The following CYP39A1 variants were observed in gnomAD, a reference collection of about 807,000 sequenced individuals.
CYP39A1 encodes cytochrome P450 family 39 subfamily A member 1, also known as 24-hydroxycholesterol 7-alpha-hydroxylase.
Under a neutral mutation model 58.1 loss-of-function variants are expected in CYP39A1, and 49 were observed. That is an observed-to-expected ratio of 0.84 (90% CI 0.67 to 1.07). CYP39A1 has a LOEUF of 1.07. Among genes scored for constraint, CYP39A1 ranks in the 50% least tolerant of loss-of-function variants. The probability of loss-of-function intolerance (pLI) is 0.00; values close to 1 mark genes in which losing one functional copy is unlikely to be tolerated. For synonymous variants in CYP39A1, 209 were observed against 187.6 expected, an observed-to-expected ratio of 1.11 and a Z score of -0.93; for missense variants, 531 against 539.4, an observed-to-expected ratio of 0.98 and a Z score of 0.16.
chr6:46,591,050 G>A (rs2150516420), intron 8 of CYP39A1, among the ~76,000 whole-genome samples: 1 of 152,110 alleles, frequency 6.6e-6, no homozygotes, highest in South Asian at 2.1e-4. Context: ...ATATTTTAAG[G>A]CTATAAATGC....
chr6:46,614,995 T>A (rs1395655125), intron 7 of CYP39A1, among the ~76,000 whole-genome samples: 1 of 152,098 alleles, frequency 6.6e-6, no homozygotes, highest in African/African-American at 2.4e-5. Flanking sequence ...TTTTTTAGTC[T>A]CCATTTCTTT....
chr6:46,644,511 A>C (rs2150603537), intron 1 of CYP39A1, among the ~76,000 whole-genome samples: 1 of 152,286 alleles, frequency 6.6e-6, no homozygotes, highest in Non-Finnish European at 1.5e-5. Flanking sequence ...ACACAGCAAG[A>C]CTGTCTCTAA....
chr6:46,635,754 G>T (rs1057470036), intron 5 of CYP39A1, among the ~76,000 whole-genome samples: 2 of 152,000 alleles, frequency 1.3e-5, no homozygotes, highest in African/African-American at 4.8e-5. Context: ...GTAGAGACCA[G>T]GTCTTGCTAT....
At chr6:46,614,918 GA>G (rs1452380041) in intron 7 of CYP39A1, among the ~76,000 whole-genome samples, 2 of 152,236 alleles carry the variant, frequency 1.3e-5, no homozygotes, top group Non-Finnish European at 2.9e-5. Flanking sequence ...ACTGGCATAG[GA>G]TACTGAATGA....
At chr6:46,642,087 GA>G in intron 2 of CYP39A1, 75 bp downstream of exon 2, 1 of 1,424,610 alleles carries the variant, frequency 7.0e-7, no homozygotes, top group Admixed American at 1.7e-5. Flanking sequence ...GAGGAATGAG[GA>G]TGTAATTTTT....
At chr6:46,624,135 T>C (rs1443438211) in intron 7 of CYP39A1, among the ~76,000 whole-genome samples, 2 of 152,222 alleles carry the variant, frequency 1.3e-5, no homozygotes, top group Non-Finnish European at 2.9e-5. Flanking sequence ...ACTTCTGTTG[T>C]GGCCTTTGGG....
chr6:46,636,400 C>A lies in CYP39A1; in HGVS notation c.721G>T (p.Asp241Tyr). ...TAAGAAATACTTACCATGGAATTATCTTTTGCAGATTTACATGCTTTTATA... is the reference window on the plus strand; with the variant it reads ...TAAGAAATACTTACCATGGAATTATATTTTGCAGATTTACATGCTTTTATA... Reference protein sequence around the residue: ...PDIKACKSAKDNSMTLLQATL... With the variant: ...PDIKACKSAKYNSMTLLQATL... The change falls in exon 5 of 12, where the codon GAT becomes TAT. Residue 241 changes from aspartate (D) to tyrosine (Y), a missense_variant. Transcript: ENST00000275016. 6 of 1,597,842 alleles carry A rather than the reference C, an allele frequency of 3.8e-6. No homozygotes were observed. Among genetic ancestry groups the A allele is most frequent in the Non-Finnish European group, 5.1e-6 (6 of 1,169,620 alleles).
At chr6:46,624,313 T>G (rs1021802049) in intron 7 of CYP39A1, among the ~76,000 whole-genome samples, 2 of 152,214 alleles carry the variant, frequency 1.3e-5, no homozygotes, top group Non-Finnish European at 1.5e-5. Flanking sequence ...TGTAGACATG[T>G]GGGCATGTGC....
chr6:46,652,502 A>C lies in CYP39A1; in HGVS notation c.81T>G (p.Arg27=). 1 of 1,614,056 alleles carries C rather than the reference A, an allele frequency of 6.2e-7. No individual in the cohort carries two copies. The highest frequency in any genetic ancestry group is 8.5e-7 in the Non-Finnish European group (1 of 1,179,990). The change falls in exon 1 of 12, where the codon CGT becomes CGG. Residue 27 remains arginine, a synonymous_variant. Coordinates refer to ENST00000275016, the MANE Select transcript of CYP39A1 (RefSeq NM_016593.5). ...LFLLLQRKNL[R]RPPCIKGWIP... is the part of the protein sequence containing the mutation. Reference sequence around the variant, plus strand: ...TCCAGCCCTTGATGCACGGGGGTCTACGCAAATTCTTCCGCTGAAGGAGTA... The same window carrying C: ...TCCAGCCCTTGATGCACGGGGGTCTCCGCAAATTCTTCCGCTGAAGGAGTA...
chr6:46,559,537 T>A (rs1381174606), intron 10 of CYP39A1, among the ~76,000 whole-genome samples: 1 of 152,202 alleles, frequency 6.6e-6, no homozygotes, highest in Non-Finnish European at 1.5e-5. Flanking sequence ...ACATTTACAC[T>A]ATCTTGTGTG....
chr6:46,568,992 A>G (rs2150492001), intron 10 of CYP39A1, among the ~76,000 whole-genome samples: 1 of 152,052 alleles, frequency 6.6e-6, no homozygotes, highest in East Asian at 1.9e-4. Context: ...CATCTTTAAC[A>G]TTATTAGTCT....
intron 10 of CYP39A1, among the ~76,000 whole-genome samples, chr6:46,570,168 A>T (rs745500724): frequency 6.6e-6 from 1 of 152,008 alleles, no homozygotes; most frequent in East Asian, 1.9e-4. Context: ...ATCTCTTATG[A>T]TCCTATGTGT....
intron 10 of CYP39A1, among the ~76,000 whole-genome samples, chr6:46,584,935 A>G (rs146480484): frequency 0.015 from 2,342 of 152,202 alleles, 26 homozygotes; most frequent in South Asian, 0.032. Context: ...CTTTGCCCCT[A>G]CTAAGTTGTT....
intron 10 of CYP39A1, among the ~76,000 whole-genome samples, chr6:46,558,280 T>C (rs1156615753): frequency 6.6e-6 from 1 of 152,150 alleles, no homozygotes; most frequent in Non-Finnish European, 1.5e-5. Context: ...TTTAATTGAC[T>C]CACAGTTCTG....
chr6:46,652,671 G>T lies in CYP39A1; in HGVS notation c.-89C>A. ...TTTCTGTGGGCTACGGAACCTGTCG[G>T]GACTCCCAACCTTTCTGCTGCAACT... is the stretch of plus-strand genomic sequence containing the variant. On this transcript the variant is annotated 5_prime_UTR_variant, in exon 1 of 12. Transcript: ENST00000275016. 1 of 1,277,824 alleles carries T rather than the reference G, an allele frequency of 7.8e-7. No homozygotes were observed. The highest frequency in any genetic ancestry group is 1.1e-6 in the Non-Finnish European group (1 of 944,048). 79.2% of individuals were successfully genotyped at this position (1,277,824 alleles called of 1,614,324 possible).
chr6:46,612,336 T>C (rs1237062962), intron 7 of CYP39A1, among the ~76,000 whole-genome samples: 2 of 152,182 alleles, frequency 1.3e-5, no homozygotes, highest in African/African-American at 2.4e-5. Context: ...GGTTAGTAGA[T>C]AGGAAAATCA....
chr6:46,576,977 A>G (rs1356635403), intron 10 of CYP39A1, among the ~76,000 whole-genome samples: 1 of 152,168 alleles, frequency 6.6e-6, no homozygotes, highest in Non-Finnish European at 1.5e-5. Flanking sequence ...TGACATGCTC[A>G]TAAGATTCTC....
At position 46,549,801 on chromosome 6, in the gene CYP39A1, T is replaced by A. The variant is rs1304697512; in HGVS notation, c.*565A>T. On this transcript the variant is annotated 3_prime_UTR_variant, in exon 12 of 12. Coordinates refer to ENST00000275016, the MANE Select transcript of CYP39A1 (RefSeq NM_016593.5). ...AAATGAATGTAAGACACCATTCCTG[T>A]CCTCACAGGTCTCAGAAAACTACCA... The A allele has an allele frequency of 6.6e-6, 1 of 152,268 alleles. No homozygotes were observed. The highest frequency in any genetic ancestry group is 1.5e-5 in the Non-Finnish European group (1 of 68,052). The allele number at this position is 152,268 out of a possible 1,614,324, so 9.4% of individuals were successfully genotyped here.
At chr6:46,621,724 A>G (rs1378798175) in intron 7 of CYP39A1, among the ~76,000 whole-genome samples, 3 of 152,314 alleles carry the variant, frequency 2.0e-5, no homozygotes, top group Admixed American at 1.3e-4. Context: ...GGTGAATTCT[A>G]CCATATGTTT....
Sources: allele counts gnomAD v4.1 joint callset (sites outside exome capture counted in the v4.1 genomes callset), GRCh38; gene constraint gnomAD v4.1.1; transcripts MANE v1.5; gene names NCBI Gene and HGNC (gene_info 2026-07-23, HGNC 2026-07-21).